The following SLC24A2 variants were observed in gnomAD, a reference collection of about 807,000 sequenced individuals.
The protein encoded by SLC24A2 is sodium/potassium/calcium exchanger 2.
SLC24A2 carries 36 observed loss-of-function variants against 62.0 expected under a neutral mutation model. The observed-to-expected ratio is 0.58, with a 90% CI of 0.44 to 0.77. The LOEUF is 0.77. Among genes scored for constraint, SLC24A2 ranks in the 30% least tolerant of loss-of-function variants. The pLI is 0.00. For synonymous variants in SLC24A2, 358 were observed against 294.0 expected (o/e 1.22, Z -2.23); for missense variants, 846 against 817.9 (o/e 1.03, Z -0.42).
intron 2 of SLC24A2, among the ~76,000 whole-genome samples, chr9:19,774,245 T>C (rs1158437829): frequency 6.6e-6 from 1 of 152,154 alleles, no homozygotes; most frequent in African/African-American, 2.4e-5. Flanking sequence ...TTTTCCTGTT[T>C]AATCTCATCA....
At chr9:19,951,714 A>G in the SLC24A2 span, among the ~76,000 whole-genome samples, 1 of 152,206 alleles carries the variant, frequency 6.6e-6, no homozygotes, top group Non-Finnish European at 1.5e-5. Flanking sequence ...ACTTAAAACA[A>G]TATCACAGAA....
At chr9:19,529,452 G>C (rs1013201299) in intron 8 of SLC24A2, among the ~76,000 whole-genome samples, 1 of 152,018 alleles carries the variant, frequency 6.6e-6, no homozygotes, top group South Asian at 2.1e-4. Context: ...ATGATCATTT[G>C]CATGGTTCTG....
chr9:19,545,851 A>G (rs762965855), intron 8 of SLC24A2, among the ~76,000 whole-genome samples: 3 of 151,978 alleles, frequency 2.0e-5, no homozygotes, highest in Non-Finnish European at 4.4e-5. Flanking sequence ...GTTAGCCAGG[A>G]TGGTCTCAAT....
chr9:20,182,020 T>G, the SLC24A2 span, among the ~76,000 whole-genome samples: 3 of 152,078 alleles, frequency 2.0e-5, no homozygotes, highest in Admixed American at 6.5e-5. Context: ...AACAGACATA[T>G]GAAAAAATGC....
At chr9:20,098,496 A>T in the SLC24A2 span, among the ~76,000 whole-genome samples, 1 of 152,288 alleles carries the variant, frequency 6.6e-6, no homozygotes, top group African/African-American at 2.4e-5. Flanking sequence ...TCTAGGCCCA[A>T]ACCAAAGGAG....
the SLC24A2 span, among the ~76,000 whole-genome samples, chr9:19,802,202 G>A: frequency 6.6e-6 from 1 of 152,188 alleles, no homozygotes; most frequent in Non-Finnish European, 1.5e-5. Context: ...CCAATGTCTA[G>A]TAAACAATGC....
At chr9:19,702,036 T>C (rs1215382421) in intron 2 of SLC24A2, among the ~76,000 whole-genome samples, 2 of 152,206 alleles carry the variant, frequency 1.3e-5, no homozygotes, top group Admixed American at 6.5e-5. Flanking sequence ...CACATGATCT[T>C]AGACTAATCA....
chr9:20,189,418 G>A, the SLC24A2 span, among the ~76,000 whole-genome samples: 6 of 152,124 alleles, frequency 3.9e-5, no homozygotes, highest in African/African-American at 7.2e-5. Flanking sequence ...CATCAATGCC[G>A]AAAACCAGTA....
the SLC24A2 span, among the ~76,000 whole-genome samples, chr9:19,951,115 C>T: frequency 6.6e-6 from 1 of 152,170 alleles, no homozygotes; most frequent in African/African-American, 2.4e-5. Context: ...GGAAGTATCA[C>T]TTCATCATTA....
the SLC24A2 span, among the ~76,000 whole-genome samples, chr9:20,063,865 T>G: frequency 6.6e-6 from 1 of 152,146 alleles, no homozygotes; most frequent in Admixed American, 6.6e-5. Context: ...ATGGTATCCT[T>G]ATCAATTACT....
At chr9:19,606,541 T>C (rs1387253345) in intron 4 of SLC24A2, among the ~76,000 whole-genome samples, 2 of 152,150 alleles carry the variant, frequency 1.3e-5, no homozygotes, top group African/African-American at 4.8e-5. Context: ...TCCCCCAGAG[T>C]CTTGTCTACA....
the SLC24A2 span, among the ~76,000 whole-genome samples, chr9:19,905,148 C>T: frequency 6.6e-6 from 1 of 152,208 alleles, no homozygotes; most frequent in East Asian, 1.9e-4. Context: ...CAGGATCTGA[C>T]AGGGAGGAAA....
the SLC24A2 span, among the ~76,000 whole-genome samples, chr9:20,285,655 A>G: frequency 1.3e-5 from 2 of 152,206 alleles, no homozygotes; most frequent in East Asian, 1.9e-4. Flanking sequence ...AAGTCACCTC[A>G]CAAATGTACC....
chr9:19,556,993 G>C (rs1160573429), intron 7 of SLC24A2, among the ~76,000 whole-genome samples: 1 of 152,166 alleles, frequency 6.6e-6, no homozygotes, highest in Non-Finnish European at 1.5e-5. Flanking sequence ...CCCAAGAAAA[G>C]GAGCTCCAGA....
chr9:20,277,167 T>G, the SLC24A2 span, among the ~76,000 whole-genome samples: 1 of 152,194 alleles, frequency 6.6e-6, no homozygotes, highest in African/African-American at 2.4e-5. Flanking sequence ...ATTCAGGACA[T>G]AGGCATGGAC....
chr9:19,544,922 A>G (rs1834472952), intron 8 of SLC24A2, among the ~76,000 whole-genome samples: 1 of 152,126 alleles, frequency 6.6e-6, no homozygotes, highest in Non-Finnish European at 1.5e-5. Flanking sequence ...GCTCTTCTCA[A>G]GGAGTATCTT....
chr9:19,901,517 T>C, the SLC24A2 span, among the ~76,000 whole-genome samples: 2 of 152,160 alleles, frequency 1.3e-5, no homozygotes, highest in Admixed American at 1.3e-4. Context: ...AGGAGCTTTA[T>C]GATGAAATGG....
chr9:19,571,983 C>G (rs1368337148), intron 7 of SLC24A2, among the ~76,000 whole-genome samples: 3 of 152,008 alleles, frequency 2.0e-5, no homozygotes, highest in Non-Finnish European at 4.4e-5. Context: ...TAAAATGGAG[C>G]TACTATCCGG....
chr9:19,556,060 G>T (rs1041359260), intron 7 of SLC24A2, among the ~76,000 whole-genome samples: 1 of 152,156 alleles, frequency 6.6e-6, no homozygotes, highest in Non-Finnish European at 1.5e-5. Context: ...TGGAGGCTCG[G>T]CCATCAGAAC....
Sources: allele counts gnomAD v4.1 joint callset (sites outside exome capture counted in the v4.1 genomes callset), GRCh38; gene constraint gnomAD v4.1.1; transcripts MANE v1.5; gene names NCBI Gene and HGNC (gene_info 2026-07-23, HGNC 2026-07-21).